VCL: variants seen among roughly 807,000 people sequenced by gnomAD.
The protein encoded by VCL is vinculin, also known as epididymis luminal protein 114.
Under a neutral mutation model 125.7 loss-of-function variants are expected in VCL, and 47 were observed. That is an observed-to-expected ratio of 0.37 (90% confidence interval 0.30 to 0.48). The LOEUF (loss-of-function observed/expected upper bound fraction) is 0.48. Among genes scored for constraint, VCL ranks in the 20% least tolerant of loss-of-function variants. The probability of loss-of-function intolerance (pLI) is 0.99; values close to 1 mark genes in which losing one functional copy is unlikely to be tolerated. For synonymous variants in VCL, 458 were observed against 514.6 expected, an observed-to-expected ratio of 0.89 and a Z score of 1.49; for missense variants, 1,069 against 1,455.5, an observed-to-expected ratio of 0.73 and a Z score of 4.32.
chr10:74,073,797 C>G (rs928288824), intron 5 of VCL, among the ~76,000 whole-genome samples: 1 of 152,152 alleles, frequency 6.6e-6, no homozygotes, highest in Non-Finnish European at 1.5e-5. Flanking sequence ...TATGAATTAT[C>G]TTAGTCAAGT....
chr10:74,060,051 A>G (rs1465560632), intron 2 of VCL, among the ~76,000 whole-genome samples: 1 of 152,170 alleles, frequency 6.6e-6, no homozygotes, highest in Non-Finnish European at 1.5e-5. Context: ...AGTCTCAGCT[A>G]CTTAAGAGGC....
rs1387028141 is a variant in VCL, at chr10:74,061,304, G to A, written c.240-9366G>A. On this transcript the variant is annotated intron_variant, in intron 2 of 21. Coordinates refer to ENST00000211998, the MANE Select transcript of VCL (RefSeq NM_014000.3). ...TATGAATGCCATTAAATTTTAATGTGCAGATCAGATGTCTTATTGTATAAA... is the reference window on the plus strand; with the variant it reads ...TATGAATGCCATTAAATTTTAATGTACAGATCAGATGTCTTATTGTATAAA... Among the ~76,000 whole-genome samples, 4 of 152,114 alleles carry A rather than the reference G, an allele frequency of 2.6e-5. No homozygotes were observed. In the East Asian group the frequency reaches 7.7e-4, roughly 29 times the overall value.
chr10:74,001,139 G>C (rs775920903), intron 1 of VCL, among the ~76,000 whole-genome samples: 1 of 152,170 alleles, frequency 6.6e-6, no homozygotes, highest in Non-Finnish European at 1.5e-5. Context: ...GATGAGAATA[G>C]TGTGTGAGAA....
intron 1 of VCL, among the ~76,000 whole-genome samples, chr10:74,032,244 A>T (rs1435671087): frequency 1.3e-5 from 2 of 149,998 alleles, no homozygotes; most frequent in African/African-American, 4.9e-5. Context: ...TCAGAATAAA[A>T]AAAAAAAAAA....
At position 74,043,161 on chromosome 10, in the gene VCL, A is replaced by C. The variant is rs1180247012; in HGVS notation, c.239+8A>C. On this transcript the variant is annotated splice_region_variant and intron_variant, in intron 2 of 21. Transcript: ENST00000211998. ...GCCACCAGCATTTATTAAGTGAGTA[A>C]TTGAAATATTCTTCTGTTGCTAAGC... 2 of 1,610,766 alleles carry C rather than the reference A, an allele frequency of 1.2e-6. No homozygotes were observed. The highest frequency in any genetic ancestry group is 1.7e-6 in the Non-Finnish European group (2 of 1,177,194).
At chr10:74,039,544 A>T (rs745879239) in intron 1 of VCL, among the ~76,000 whole-genome samples, 3 of 151,970 alleles carry the variant, frequency 2.0e-5, no homozygotes, top group Non-Finnish European at 4.4e-5. Flanking sequence ...GCAGTTAGGT[A>T]GGCAAAGGCA....
intron 6 of VCL, 153 bp downstream of exon 6, chr10:74,075,056 T>C: frequency 1.0e-6 from 1 of 1,003,972 alleles, no homozygotes; most frequent in Non-Finnish European, 1.5e-6. Flanking sequence ...TTCTGTTTCA[T>C]AGGTTACTTG....
At chr10:74,103,474 G>A (rs746127770) in intron 14 of VCL, among the ~76,000 whole-genome samples, 5 of 152,010 alleles carry the variant, frequency 3.3e-5, no homozygotes, top group East Asian at 1.9e-4. Context: ...AGTACTTTTC[G>A]GTATCCTTCT....
In VCL at chr10:74,004,840, G is replaced by A. The variant is rs867007304; in HGVS notation, c.168+6465G>A. 2.3e-4 allele frequency among the ~76,000 whole-genome samples: 35 copies of A among 152,086 alleles called. No individual in the cohort carries two copies. The South Asian group carries it at 2.5e-3, about 11-fold the overall frequency. Reference sequence around the variant, plus strand: ...CTGCCTCAGCCTCCCGAGTAGCTGGGATTACAGGCATGCACCACCATGCCT... The same window carrying A: ...CTGCCTCAGCCTCCCGAGTAGCTGGAATTACAGGCATGCACCACCATGCCT... On this transcript the variant is annotated intron_variant, in intron 1 of 21. Coordinates refer to ENST00000211998, the MANE Select transcript of VCL (RefSeq NM_014000.3).
chr10:74,005,949 G>T (rs975311063), intron 1 of VCL, among the ~76,000 whole-genome samples: 1 of 151,560 alleles, frequency 6.6e-6, no homozygotes, highest in African/African-American at 2.4e-5. Context: ...GCAATTGCAC[G>T]ATCTCAGCTC....
chr10:74,003,364 G>A (rs1214475478), intron 1 of VCL, among the ~76,000 whole-genome samples: 1 of 152,182 alleles, frequency 6.6e-6, no homozygotes, highest in Non-Finnish European at 1.5e-5. Flanking sequence ...AGAAGGCTTG[G>A]ATTCAGCAGG....
At chr10:74,057,650 T>C (rs1240046401) in intron 2 of VCL, among the ~76,000 whole-genome samples, 1 of 152,116 alleles carries the variant, frequency 6.6e-6, no homozygotes, top group Non-Finnish European at 1.5e-5. Context: ...ATGTTGTTCA[T>C]GGCCAGGTGT....
At chr10:74,013,651 C>T (rs370913737) in intron 1 of VCL, among the ~76,000 whole-genome samples, 1 of 152,060 alleles carries the variant, frequency 6.6e-6, no homozygotes, top group South Asian at 2.1e-4. Context: ...TTGACACCTT[C>T]GAGATAGGTA....
intron 1 of VCL, among the ~76,000 whole-genome samples, chr10:74,032,149 G>T (rs1390972218): frequency 1.3e-5 from 2 of 148,554 alleles, no homozygotes; most frequent in African/African-American, 2.5e-5. Context: ...TGAGGTGGGA[G>T]GATCACCTGA....
At chr10:74,008,942 C>T (rs1840366317) in intron 1 of VCL, among the ~76,000 whole-genome samples, 1 of 152,164 alleles carries the variant, frequency 6.6e-6, no homozygotes, top group South Asian at 2.1e-4. Flanking sequence ...AAACTTCTGC[C>T]TTGGCATTTT....
At chr10:74,011,032 A>T (rs1840423437) in intron 1 of VCL, among the ~76,000 whole-genome samples, 1 of 152,008 alleles carries the variant, frequency 6.6e-6, no homozygotes, top group Non-Finnish European at 1.5e-5. Flanking sequence ...TTGGCTGGGC[A>T]TGGTGGCAGG....
intron 2 of VCL, among the ~76,000 whole-genome samples, chr10:74,053,957 A>G (rs962563313): frequency 6.6e-6 from 1 of 152,082 alleles, no homozygotes; most frequent in Non-Finnish European, 1.5e-5. Flanking sequence ...TAAAGTTTTC[A>G]AAATTCTTTT....
intron 2 of VCL, among the ~76,000 whole-genome samples, chr10:74,070,408 G>A (rs1841645780): frequency 6.6e-6 from 1 of 152,160 alleles, no homozygotes; most frequent in Admixed American, 6.5e-5. Flanking sequence ...TGCACTGAAT[G>A]AATGTGCTGC....
chr10:74,011,165 C>CAAAAA (rs71021585), intron 1 of VCL, among the ~76,000 whole-genome samples: 2 of 52,302 alleles, frequency 3.8e-5, no homozygotes, highest in Admixed American at 2.5e-4. Context: ...AACTCTATCT[C>CAAAAA]AAAAAAAAAA....
Sources: gnomAD v4.1 joint callset for allele counts (sites outside exome capture counted in the v4.1 genomes callset) on GRCh38, gnomAD v4.1.1 for gene constraint, MANE v1.5 for transcripts, NCBI Gene and HGNC (gene_info 2026-07-23, HGNC 2026-07-21) for gene names.